ELFN1: variants seen among roughly 807,000 people sequenced by gnomAD.
The protein encoded by ELFN1 is protein ELFN1.
A neutral mutation model predicts 7.6 loss-of-function variants in ELFN1; 6 were observed. That is an observed-to-expected ratio of 0.79 (90% CI 0.43 to 1.56). The LOEUF is 1.56. Among genes scored for constraint, ELFN1 ranks in the 40% most tolerant of loss-of-function variants. The pLI is 0.01. For missense variants in ELFN1, 1,169 were observed against 1,232.2 expected (o/e 0.95, Z 0.77); for synonymous variants, 657 against 588.1 (o/e 1.12, Z -1.70).
chr7:1,712,432 T>A (rs1249796264), intron 3 of ELFN1, among the ~76,000 whole-genome samples: 6 of 151,170 alleles, frequency 4.0e-5, no homozygotes, highest in Admixed American at 6.6e-5. Flanking sequence ...CTTTCCTTTT[T>A]TTTTTTCTTT....
intron 3 of ELFN1, among the ~76,000 whole-genome samples, chr7:1,712,702 G>C (rs1779697465): frequency 6.6e-6 from 1 of 152,188 alleles, no homozygotes; most frequent in Non-Finnish European, 1.5e-5. Context: ...AAAGTGCTGG[G>C]ATTACAGGTG....
chr7:1,696,219 A>C (rs56181349), intron 2 of ELFN1, among the ~76,000 whole-genome samples: 13,359 of 150,984 alleles, frequency 0.088, 672 homozygotes, highest in Middle Eastern at 0.15. Context: ...AGAGAGAGGG[A>C]GAAAGAAAGA....
In ELFN1 at chr7:1,746,503, C is replaced by T; in HGVS notation, c.1907C>T (p.Pro636Leu). The change falls in exon 4 of 4, where the codon CCT (proline) becomes CTT (leucine). Residue 636 changes from proline (P) to leucine (L), a missense_variant. Coordinates refer to ENST00000424383, the MANE Select transcript of ELFN1 (RefSeq NM_001128636.4). ...CACAGCGTGGAGGCCGCCGGGCCCCCTCGTGCCAGCACCTCGTCCAGCGGC... is the reference window on the plus strand; with the variant it reads ...CACAGCGTGGAGGCCGCCGGGCCCCTTCGTGCCAGCACCTCGTCCAGCGGC... ...RHHSVEAAGP[P>L]RASTSSSGSV... 3.4e-6 allele frequency: 5 copies of T among 1,489,660 alleles called. No individual in the cohort carries two copies. Among genetic ancestry groups the T allele is most frequent in the Non-Finnish European group, 4.4e-6 (5 of 1,128,456 alleles). 92.3% of individuals were successfully genotyped at this position (1,489,660 alleles called of 1,614,324 possible).
chr7:1,745,579 C>T lies in ELFN1; in HGVS notation c.983C>T (p.Ser328Leu). 6.4e-7 allele frequency: 1 copy of T among 1,550,622 alleles called. No individual in the cohort carries two copies. Among genetic ancestry groups the T allele is most frequent in the Non-Finnish European group, 8.7e-7 (1 of 1,146,954 alleles). The change falls in exon 4 of 4, where the codon TCG (serine) becomes TTG (leucine). Residue 328 changes from serine (S) to leucine (L), a missense_variant. Ser to Leu is a moderately radical substitution (Grantham distance 145). Around this residue, in one of 2 missense-constraint regions of ELFN1, gnomAD observed 914 missense variants for 872.6 expected, o/e 1.05. Coordinates refer to ENST00000424383, the MANE Select transcript of ELFN1 (RefSeq NM_001128636.4). Reference protein sequence around the residue: ...LIKVKQLTQNSATITVQLPSP... With the variant: ...LIKVKQLTQNLATITVQLPSP... ...AAGGTCAAGCAGCTCACTCAGAACT[C>T]GGCCACCATCACCGTCCAGCTGCCC...
intron 2 of ELFN1, among the ~76,000 whole-genome samples, chr7:1,707,198 C>G (rs1412406477): frequency 6.6e-6 from 1 of 152,236 alleles, no homozygotes; most frequent in Non-Finnish European, 1.5e-5. Flanking sequence ...CACAGTGACA[C>G]GGTGGTTCCG....
chr7:1,680,638 C>T (rs1181011794), intron 1 of ELFN1, among the ~76,000 whole-genome samples: 1 of 152,076 alleles, frequency 6.6e-6, no homozygotes, highest in East Asian at 1.9e-4. Context: ...ACAACCATAA[C>T]TACATACCAG....
rs1780724614 is a variant in ELFN1 at position 1,744,675 on chromosome 7, G to A, written c.79G>A (p.Ala27Thr). 2 of 1,551,006 alleles carry A rather than the reference G, an allele frequency of 1.3e-6. No homozygotes were observed. The highest frequency in any genetic ancestry group is 1.7e-6 in the Non-Finnish European group (2 of 1,146,854). Residue 27 changes from alanine (A) to threonine (T), a missense_variant, in exon 4 of 4, where the codon GCA (alanine) becomes ACA (threonine). By Grantham distance (58) the Ala-to-Thr change is moderately conservative. This residue lies in a region of ELFN1 where 255 missense variants were observed against 359.6 expected (regional missense o/e 0.71). Transcript: ENST00000424383. ...TLLHAGGLAR[A>T]DCWLIEGDKG... ...GCTGCACGCTGGCGGCCTGGCCCGCGCAGACTGCTGGCTGATCGAGGGCGA... is the reference window on the plus strand; with the variant it reads ...GCTGCACGCTGGCGGCCTGGCCCGCACAGACTGCTGGCTGATCGAGGGCGA...
intron 1 of ELFN1, among the ~76,000 whole-genome samples, chr7:1,682,657 C>G (rs1035324495): frequency 2.1e-5 from 3 of 146,328 alleles, no homozygotes; most frequent in African/African-American, 7.6e-5. Context: ...GTTACTGAGG[C>G]TGGTCTTGAA....
Position 1,746,761 on chromosome 7 carries a change from C to G in ELFN1, c.2165C>G (p.Pro722Arg). 6.6e-7 allele frequency: 1 copy of G among 1,505,172 alleles called. No homozygotes were observed. The highest frequency in any genetic ancestry group is 2.6e-5 in the East Asian group (1 of 37,826). The allele number at this position is 1,505,172 out of a possible 1,614,324, so 93.2% of individuals were successfully genotyped here. A position where few individuals can be genotyped will look rare whatever the true frequency, so the allele number is the denominator to read the frequency against. The stretch of plus-strand genomic sequence containing the variant: ...GAGCCACCTGCGCCCCCCGGGCCAC[C>G]GCCGCCGCCTCCGCACGAGGGCCTG... ...PAEPPAPPGP[P>R]PPPPHEGLGR... Residue 722 changes from proline (P) to arginine (R), a missense_variant, in exon 4 of 4, where the codon CCG (proline) becomes CGG (arginine). By Grantham distance (103) the Pro-to-Arg change is moderately radical (BLOSUM62 -2). Coordinates refer to ENST00000424383, the MANE Select transcript of ELFN1 (RefSeq NM_001128636.4).
chr7:1,742,226 T>C (rs569886945), intron 3 of ELFN1: 3 of 152,362 alleles, frequency 2.0e-5, no homozygotes, highest in East Asian at 1.9e-4. Flanking sequence ...TTGGGTTATT[T>C]TGAGCAAGAG....
In ELFN1 at chr7:1,746,611, A is replaced by G. The variant is rs1356986662; in HGVS notation, c.2015A>G (p.Lys672Arg). The change falls in exon 4 of 4, where the codon AAG becomes AGG. Residue 672 changes from lysine (K) to arginine (R), a missense_variant. Lys to Arg is a conservative substitution (Grantham distance 26, BLOSUM62 2). Coordinates refer to ENST00000424383, the MANE Select transcript of ELFN1 (RefSeq NM_001128636.4). ...AAAAEAKYIE[K>R]GSPAADAILT... is the part of the protein sequence containing the mutation. ...GCCGCCGAGGCCAAGTACATCGAGAAGGGCTCCCCCGCGGCCGACGCCATC... is the reference window on the plus strand; with the variant it reads ...GCCGCCGAGGCCAAGTACATCGAGAGGGGCTCCCCCGCGGCCGACGCCATC... 4 of 1,348,980 alleles carry G rather than the reference A, an allele frequency of 3.0e-6. No homozygotes were observed. In the South Asian group the frequency reaches 5.1e-5, roughly 17 times the overall value. The allele number at this position is 1,348,980 out of a possible 1,614,324, so 83.6% of individuals were successfully genotyped here. A position where few individuals can be genotyped will look rare whatever the true frequency, so the allele number is the denominator to read the frequency against.
chr7:1,666,225 C>T (rs1414547030), upstream of ELFN1, among the ~76,000 whole-genome samples: 1 of 151,870 alleles, frequency 6.6e-6, no homozygotes, highest in East Asian at 1.9e-4. The surrounding 1 kb of genome is among the most constrained non-coding windows in gnomAD (Gnocchi z 7.9). Context: ...ACCCCTCTGT[C>T]GCCGCTGCGG....
In ELFN1 at chr7:1,746,819, C is replaced by T. The variant is rs1242537401; in HGVS notation, c.2223C>T (p.Thr741=). ...AGGCGTCCATCCTGGAGCCACTCAC[C>T]CGGCCGCGGCCCCGCGACCTCGCCT... ...GRKASILEPL[T]RPRPRDLAYS... is the part of the protein sequence containing the mutation. Residue 741 remains threonine (T), a synonymous_variant, in exon 4 of 4, where the codon ACC becomes ACT. Coordinates refer to ENST00000424383, the MANE Select transcript of ELFN1 (RefSeq NM_001128636.4). 19 of 1,534,182 alleles carry T rather than the reference C, an allele frequency of 1.2e-5. No individual in the cohort carries two copies. The highest frequency in any genetic ancestry group is 1.7e-5 in the Non-Finnish European group (19 of 1,141,270).
intron 2 of ELFN1, among the ~76,000 whole-genome samples, chr7:1,706,408 T>C (rs529282817): frequency 1.3e-5 from 2 of 151,248 alleles, no homozygotes; most frequent in Admixed American, 1.3e-4. Flanking sequence ...GGCAACAGAG[T>C]GAGACTCTGT....
intron 1 of ELFN1, among the ~76,000 whole-genome samples, chr7:1,672,023 C>T (rs1171830678): frequency 6.6e-6 from 1 of 152,204 alleles, no homozygotes; most frequent in Non-Finnish European, 1.5e-5. Flanking sequence ...CATGCCCCTC[C>T]CCCTGTCCTA....
At chr7:1,713,855 C>T (rs1779743067) in intron 3 of ELFN1, among the ~76,000 whole-genome samples, 1 of 152,146 alleles carries the variant, frequency 6.6e-6, no homozygotes, top group African/African-American at 2.4e-5. Context: ...CCCTGCGTGC[C>T]ACTCCCCCAG....
intron 2 of ELFN1, chr7:1,692,965 G>C: frequency 4.1e-6 from 1 of 242,172 alleles, no homozygotes; most frequent in Non-Finnish European, 8.4e-6. Flanking sequence ...CTGGGCCTGC[G>C]CCACGCTCTG....
Position 1,701,686 on chromosome 7 carries a change from T to C in ELFN1, c.-455-7405T>C, listed in dbSNP as rs909054905. 7.2e-5 allele frequency among the ~76,000 whole-genome samples: 11 copies of C among 152,166 alleles called. No individual in the cohort carries two copies. In the East Asian group the frequency reaches 2.1e-3, roughly 29 times the overall value. On this transcript the variant is annotated intron_variant, in intron 2 of 3. Coordinates refer to ENST00000424383, the MANE Select transcript of ELFN1 (RefSeq NM_001128636.4). ...GCACAGATGTGCATGCTTGTAGTTC[T>C]AGCTACTTGGGAGGCTGGGGTGGGA...
At chr7:1,680,367 G>T (rs1392748991) in intron 1 of ELFN1, among the ~76,000 whole-genome samples, 1 of 152,220 alleles carries the variant, frequency 6.6e-6, no homozygotes, top group African/African-American at 2.4e-5. Flanking sequence ...TGGTCAAGAC[G>T]TGGATGGTCT....
Sources: gnomAD v4.1 joint callset for allele counts (sites outside exome capture counted in the v4.1 genomes callset) on GRCh38, gnomAD v4.1.1 for gene constraint, gnomAD v4.1.1 regional missense constraint, Gnocchi (gnomAD v3.1) non-coding constraint, MANE v1.5 for transcripts, NCBI Gene and HGNC (gene_info 2026-07-23, HGNC 2026-07-21) for gene names.